Variants in SNX29 observed in about 807,000 individuals in gnomAD.
SNX29 encodes the protein sorting nexin-29.
Under a neutral mutation model 102.1 loss-of-function variants are expected in SNX29, and 78 were observed. The observed-to-expected ratio is 0.76, with a 90% confidence interval of 0.64 to 0.92. The LOEUF (loss-of-function observed/expected upper bound fraction) is 0.92. SNX29 is among the 40% of genes least tolerant of loss of function. SNX29 has a pLI of 0.00. For synonymous variants in SNX29, 580 were observed against 414.5 expected (o/e 1.40, Z -4.85); for missense variants, 1,280 against 1,061.7 (o/e 1.21, Z -2.86).
intron 16 of SNX29, among the ~76,000 whole-genome samples, chr16:12,364,217 T>TGTTATGTTATGTTATGTTATGTTA (rs1567481923): frequency 4.0e-5 from 6 of 149,182 alleles, no homozygotes; most frequent in African/African-American, 1.2e-4. Context: ...TGTTATGTTA[T>TGTTATGTTATGTTATGTTATGTTA]TTTTGTAGAG....
At chr16:12,102,980 G>T (rs1228140778) in intron 11 of SNX29, among the ~76,000 whole-genome samples, 1 of 152,014 alleles carries the variant, frequency 6.6e-6, no homozygotes, top group Non-Finnish European at 1.5e-5. Flanking sequence ...AACATACCTA[G>T]GAATAAAACT....
At chr16:12,188,547 G>A (rs2076568625) in intron 13 of SNX29, among the ~76,000 whole-genome samples, 1 of 152,132 alleles carries the variant, frequency 6.6e-6, no homozygotes, top group Non-Finnish European at 1.5e-5. Context: ...TTTTGGGTGT[G>A]TGTCATCTGT....
intron 18 of SNX29, among the ~76,000 whole-genome samples, chr16:12,455,314 G>A (rs1025385404): frequency 1.3e-5 from 2 of 152,138 alleles, no homozygotes; most frequent in African/African-American, 4.8e-5. Flanking sequence ...GGGACTTCCA[G>A]ACCCTGGGTC....
intron 20 of SNX29, among the ~76,000 whole-genome samples, chr16:12,547,342 G>A (rs2077670424): frequency 6.6e-6 from 1 of 152,188 alleles, no homozygotes; most frequent in Non-Finnish European, 1.5e-5. Flanking sequence ...GCAGCCAAGG[G>A]AACTCTAGCT....
At chr16:12,432,614 C>T (rs749506595) in intron 18 of SNX29, among the ~76,000 whole-genome samples, 40 of 152,338 alleles carry the variant, frequency 2.6e-4, no homozygotes, top group East Asian at 2.3e-3. Flanking sequence ...ACACACGTGC[C>T]GCGCGTCACC....
At chr16:12,265,277 A>G (rs2078892806) in intron 14 of SNX29, among the ~76,000 whole-genome samples, 1 of 152,154 alleles carries the variant, frequency 6.6e-6, no homozygotes, top group Non-Finnish European at 1.5e-5. Flanking sequence ...TGGGGGGGAG[A>G]AACATGAGTC....
At chr16:12,161,545 G>A (rs777499265) in intron 13 of SNX29, among the ~76,000 whole-genome samples, 1 of 152,182 alleles carries the variant, frequency 6.6e-6, no homozygotes, top group African/African-American at 2.4e-5. Context: ...CGTAGGGTGG[G>A]CATCTGATAC....
At chr16:12,401,991 T>A (rs554572672) in intron 17 of SNX29, among the ~76,000 whole-genome samples, 2 of 152,318 alleles carry the variant, frequency 1.3e-5, no homozygotes, top group East Asian at 3.9e-4. Context: ...GAAAAGTTAA[T>A]AAAAACCAGA....
At chr16:12,556,117 C>T (rs924919005) in intron 20 of SNX29, among the ~76,000 whole-genome samples, 4 of 152,146 alleles carry the variant, frequency 2.6e-5, no homozygotes, top group Non-Finnish European at 4.4e-5. Flanking sequence ...TGGGTTATTA[C>T]TCTTATGTTC....
intron 18 of SNX29, among the ~76,000 whole-genome samples, chr16:12,471,022 CCA>C (rs1360568047): frequency 2.0e-5 from 3 of 152,168 alleles, no homozygotes; most frequent in Non-Finnish European, 4.4e-5. Context: ...GGACGTGAAC[CCA>C]GGCCTCCCTC....
At chr16:12,404,398 C>G (rs1157570236) in intron 18 of SNX29, among the ~76,000 whole-genome samples, 2 of 152,072 alleles carry the variant, frequency 1.3e-5, no homozygotes, top group Admixed American at 6.5e-5. Flanking sequence ...GTCTGCATGT[C>G]TGTCTTCCTT....
At chr16:12,217,542 T>A (rs2077357121) in intron 14 of SNX29, among the ~76,000 whole-genome samples, 1 of 152,168 alleles carries the variant, frequency 6.6e-6, no homozygotes, top group Non-Finnish European at 1.5e-5. Context: ...CCACCTGTAG[T>A]ATGTCTGCCA....
chr16:12,378,804 C>G (rs1180242106), intron 16 of SNX29, among the ~76,000 whole-genome samples: 3 of 152,178 alleles, frequency 2.0e-5, no homozygotes, highest in Non-Finnish European at 4.4e-5. Context: ...CCTTCCGCTC[C>G]CCCAGCCCAG....
intron 11 of SNX29, among the ~76,000 whole-genome samples, chr16:12,117,022 G>A (rs2053742073): frequency 6.7e-6 from 1 of 149,798 alleles, no homozygotes; most frequent in Non-Finnish European, 1.5e-5. Flanking sequence ...GCTTCAGTGC[G>A]GACGAACCAT....
chr16:12,150,222 C>T (rs192253079), intron 13 of SNX29, among the ~76,000 whole-genome samples: 10 of 152,104 alleles, frequency 6.6e-5, no homozygotes, highest in African/African-American at 2.2e-4. Flanking sequence ...AGGCCAGGGT[C>T]GGAGGGGCTG....
intron 14 of SNX29, among the ~76,000 whole-genome samples, chr16:12,208,376 C>A (rs1202242427): frequency 2.0e-5 from 3 of 151,604 alleles, no homozygotes; most frequent in African/African-American, 7.3e-5. Flanking sequence ...ATTTGTGTGG[C>A]TCTTCAGAAA....
intron 13 of SNX29, among the ~76,000 whole-genome samples, chr16:12,159,138 G>T (rs191147867): frequency 1.3e-5 from 2 of 152,162 alleles, no homozygotes; most frequent in Non-Finnish European, 2.9e-5. Flanking sequence ...GAGGACACCC[G>T]TCTAACAAAG....
chr16:12,379,664 A>G (rs2083003845), intron 16 of SNX29, among the ~76,000 whole-genome samples: 1 of 152,230 alleles, frequency 6.6e-6, no homozygotes, highest in Non-Finnish European at 1.5e-5. Context: ...GGCATTTTCA[A>G]TGAGCAGAAC....
intron 18 of SNX29, among the ~76,000 whole-genome samples, chr16:12,459,909 A>T (rs1179168168): frequency 6.6e-6 from 1 of 152,172 alleles, no homozygotes; most frequent in Non-Finnish European, 1.5e-5. Context: ...GACTAAGAAG[A>T]TAGAAGGACC....
Sources: gnomAD v4.1 joint callset for allele counts (sites outside exome capture counted in the v4.1 genomes callset) on GRCh38, gnomAD v4.1.1 for gene constraint, MANE v1.5 for transcripts, NCBI Gene and HGNC (gene_info 2026-07-23, HGNC 2026-07-21) for gene names.